The following SFMBT1 variants were observed in gnomAD, a reference collection of about 807,000 sequenced individuals.
The protein encoded by SFMBT1 is Scm like with four mbt domains 1, also known as scm-like with four MBT domains protein 1.
Under a neutral mutation model 108.7 loss-of-function variants are expected in SFMBT1, and 32 were observed. That is an observed-to-expected ratio of 0.29 (90% confidence interval 0.22 to 0.40). The LOEUF (loss-of-function observed/expected upper bound fraction) is 0.40. Ranked by LOEUF, SFMBT1 falls within the 10% of genes least tolerant of loss-of-function variation. The pLI, the probability that SFMBT1 is intolerant of heterozygous loss-of-function variation, is 1.00. For synonymous variants in SFMBT1, 348 were observed against 369.5 expected (o/e 0.94, Z 0.67); for missense variants, 816 against 1,059.6 (o/e 0.77, Z 3.19).
chr3:53,008,644 T>A (rs1419626962), intron 1 of SFMBT1, among the ~76,000 whole-genome samples: 1 of 151,670 alleles, frequency 6.6e-6, no homozygotes, highest in Non-Finnish European at 1.5e-5. Flanking sequence ...TTTTTTTTTT[T>A]TTTTGAGATA....
At chr3:53,012,534 C>G (rs1698986800) in intron 1 of SFMBT1, among the ~76,000 whole-genome samples, 2 of 152,046 alleles carry the variant, frequency 1.3e-5, no homozygotes. Flanking sequence ...TCCCGAGTAG[C>G]TGGGACTACA....
chr3:53,034,542 T>C (rs961509127), intron 1 of SFMBT1, among the ~76,000 whole-genome samples: 3 of 151,982 alleles, frequency 2.0e-5, no homozygotes, highest in Admixed American at 6.6e-5. Context: ...ATCGCACCAC[T>C]GTACTCCAGC....
intron 1 of SFMBT1, among the ~76,000 whole-genome samples, chr3:53,026,644 T>C (rs937010824): frequency 6.6e-6 from 1 of 152,188 alleles, no homozygotes; most frequent in South Asian, 2.1e-4. Context: ...TAGGTCCCTG[T>C]GGGGCTGCCT....
At chr3:53,013,196 CT>C (rs950349927) in intron 1 of SFMBT1, among the ~76,000 whole-genome samples, 14 of 151,684 alleles carry the variant, frequency 9.2e-5, no homozygotes, top group African/African-American at 3.4e-4. Context: ...CAGTGATGGG[CT>C]CTAAGTTGAG....
intron 1 of SFMBT1, chr3:53,019,057 A>T (rs1699214487): frequency 6.6e-6 from 1 of 152,252 alleles, no homozygotes; most frequent in South Asian, 2.1e-4. Context: ...TGGGAGGCTG[A>T]GGTGGAAGTA....
intron 3 of SFMBT1, among the ~76,000 whole-genome samples, chr3:52,947,342 C>G (rs1703405100): frequency 1.3e-5 from 2 of 151,976 alleles, no homozygotes; most frequent in African/African-American, 4.8e-5. Context: ...TGGTCTCGAT[C>G]TCCTGACCTT....
chr3:52,956,200 G>T (rs1315206572), intron 2 of SFMBT1, among the ~76,000 whole-genome samples: 1 of 152,164 alleles, frequency 6.6e-6, no homozygotes, highest in Non-Finnish European at 1.5e-5. Flanking sequence ...GGTAGCTCAC[G>T]CCTGTAATCC....
At chr3:52,999,670 CAT>C (rs917879491) in intron 1 of SFMBT1, among the ~76,000 whole-genome samples, 11 of 149,968 alleles carry the variant, frequency 7.3e-5, no homozygotes, top group African/African-American at 2.2e-4. Flanking sequence ...GAGTGGGCCA[CAT>C]GAGTGGCCAC....
chr3:52,938,940 G>A (rs777155093), intron 4 of SFMBT1, among the ~76,000 whole-genome samples: 3 of 152,166 alleles, frequency 2.0e-5, no homozygotes, highest in Non-Finnish European at 2.9e-5. Context: ...TTACCTGTTC[G>A]TAACAGTTTG....
At chr3:53,012,647 C>T (rs957370681) in intron 1 of SFMBT1, among the ~76,000 whole-genome samples, 2 of 150,708 alleles carry the variant, frequency 1.3e-5, no homozygotes, top group Non-Finnish European at 2.9e-5. Context: ...CATGATCCGC[C>T]CGCCTCTGCC....
intron 11 of SFMBT1, 41 bp downstream of exon 11, chr3:52,921,664 G>T (rs757605065): frequency 1.2e-6 from 2 of 1,602,772 alleles, no homozygotes; most frequent in South Asian, 2.2e-5. Flanking sequence ...AAGCTCAAAG[G>T]AGAGTGGCCA....
chr3:52,912,562 C>A lies in SFMBT1; in HGVS notation c.1706G>T (p.Gly569Val). The A allele has an allele frequency of 6.2e-7, 1 of 1,614,130 alleles. No individual in the cohort carries two copies. The highest frequency in any genetic ancestry group is 1.6e-4 in the Middle Eastern group (1 of 6,062). Residue 569 changes from glycine (G) to valine (V), a missense_variant, in exon 16 of 21, where the codon GGA becomes GTA. By Grantham distance (109) the Gly-to-Val change is moderately radical. Transcript: ENST00000394752. Reference sequence around the variant, plus strand: ...CTTGGCTTTTAGGACTTCCCCACATCCGTGCCACACAGAGTCTTTGTCCAG... The same window carrying A: ...CTTGGCTTTTAGGACTTCCCCACATACGTGCCACACAGAGTCTTTGTCCAG... The part of the protein sequence containing the change: ...LQLDKDSVWH[G>V]CGEVLKAKYK...
chr3:52,988,999 C>A (rs995421540), intron 1 of SFMBT1, among the ~76,000 whole-genome samples: 1 of 152,100 alleles, frequency 6.6e-6, no homozygotes, highest in Admixed American at 6.5e-5. Context: ...TGTAAACATT[C>A]TCTGAAAACC....
At chr3:52,913,668 GTT>G (rs537151378) in intron 14 of SFMBT1, 51 bp from the exon 15 acceptor site, 1,055 of 1,589,420 alleles carry the variant, frequency 6.6e-4, no homozygotes, top group Non-Finnish European at 8.3e-4. Context: ...TCTACCCCAC[GTT>G]TCCAAAGCTG....
chr3:52,911,161 T>C lies in SFMBT1; in HGVS notation c.1748A>G (p.Tyr583Cys). The C allele has an allele frequency of 6.2e-7, 1 of 1,610,556 alleles. No homozygotes were observed. Among genetic ancestry groups the C allele is most frequent in the Non-Finnish European group, 8.5e-7 (1 of 1,178,402 alleles). ...VLKAKYKGKS[Y>C]RATVEIVKTA... ...TTTCACTATCTCAACAGTAGCCCGA[T>C]AACTCTTTCCTTTATATCTGCCATT... Residue 583 changes from tyrosine to cysteine, a missense_variant, in exon 17 of 21, where the codon TAT becomes TGT. Tyr to Cys is a radical substitution (Grantham distance 194). Transcript: ENST00000394752.
At chr3:53,029,319 A>G (rs1699604843) in intron 1 of SFMBT1, among the ~76,000 whole-genome samples, 1 of 152,192 alleles carries the variant, frequency 6.6e-6, no homozygotes, top group South Asian at 2.1e-4. Context: ...AGGGTTATAA[A>G]TATATTCTCT....
At chr3:53,016,732 C>T (rs77432708) in intron 1 of SFMBT1, among the ~76,000 whole-genome samples, 3,359 of 152,188 alleles carry the variant, frequency 0.022, 53 homozygotes, top group Middle Eastern at 0.034. Context: ...CATTCTGTGG[C>T]TCATTTTTTC....
intron 20 of SFMBT1, among the ~76,000 whole-genome samples, chr3:52,905,677 G>A (rs949189692): frequency 6.6e-6 from 1 of 152,122 alleles, no homozygotes; most frequent in African/African-American, 2.4e-5. Flanking sequence ...ATAAAAACCC[G>A]ATAAGCTCTT....
At position 52,950,876 on chromosome 3, in the gene SFMBT1, G is replaced by A. The variant is rs1033398173; in HGVS notation, c.123+3441C>T. ...ATGGCATAATCCCAGCATTTTGGGAGGCCAAGGCAGGAGGTTCCCTTGAGG... is the reference window on the plus strand; with the variant it reads ...ATGGCATAATCCCAGCATTTTGGGAAGCCAAGGCAGGAGGTTCCCTTGAGG... On this transcript the variant is annotated intron_variant, in intron 3 of 20. Transcript: ENST00000394752. Among the ~76,000 whole-genome samples, 5 of 151,962 alleles carry A rather than the reference G, an allele frequency of 3.3e-5. No homozygotes were observed. The South Asian group carries it at 1.0e-3, about 32-fold the overall frequency.
Sources: allele counts gnomAD v4.1 joint callset (sites outside exome capture counted in the v4.1 genomes callset), GRCh38; gene constraint gnomAD v4.1.1; transcripts MANE v1.5; gene names NCBI Gene and HGNC (gene_info 2026-07-23, HGNC 2026-07-21).